The following UIMC1 variants were observed in gnomAD, a reference collection of about 807,000 sequenced individuals.
UIMC1 encodes the protein ubiquitin interaction motif containing 1.
UIMC1 carries 42 observed loss-of-function variants against 84.9 expected under a neutral mutation model. The observed-to-expected ratio is 0.49, with a 90% CI of 0.39 to 0.64. UIMC1 has a LOEUF of 0.64. Among genes scored for constraint, UIMC1 ranks in the 30% least tolerant of loss-of-function variants. The pLI is 0.00. For synonymous variants in UIMC1, 281 were observed against 293.0 expected, an observed-to-expected ratio of 0.96 and a Z score of 0.42; for missense variants, 825 against 847.6, an observed-to-expected ratio of 0.97 and a Z score of 0.33.
At chr5:176,938,616 C>T (rs974328955) in intron 10 of UIMC1, among the ~76,000 whole-genome samples, 8 of 152,114 alleles carry the variant, frequency 5.3e-5, no homozygotes, top group East Asian at 1.9e-4. Context: ...AAGATTAAGA[C>T]GAAGCTATTG....
intron 12 of UIMC1, 88 bp downstream of exon 12, chr5:176,908,435 A>G (rs1289707664): frequency 1.5e-6 from 2 of 1,315,224 alleles, no homozygotes; most frequent in Non-Finnish European, 2.0e-6. Flanking sequence ...GGGAGGGAGA[A>G]GAGGGAAAAG....
At chr5:176,907,740 C>A (rs1006419828) in intron 12 of UIMC1, among the ~76,000 whole-genome samples, 3 of 152,206 alleles carry the variant, frequency 2.0e-5, no homozygotes, top group Non-Finnish European at 4.4e-5. Context: ...AGGAGTTCGA[C>A]AGAGTTGATC....
intron 10 of UIMC1, among the ~76,000 whole-genome samples, chr5:176,927,934 C>T (rs1310814093): frequency 6.6e-6 from 1 of 151,330 alleles, no homozygotes; most frequent in Admixed American, 6.6e-5. Flanking sequence ...TCACTGCAAC[C>T]TCTGACTCCT....
intron 2 of UIMC1, among the ~76,000 whole-genome samples, chr5:176,979,517 C>T (rs931181868): frequency 7.9e-5 from 12 of 151,778 alleles, no homozygotes; most frequent in African/African-American, 2.7e-4. Context: ...GCAGGAGAAT[C>T]GCTTGAACCT....
chr5:176,953,467 T>A (rs1207673275), intron 8 of UIMC1, among the ~76,000 whole-genome samples: 1 of 143,136 alleles, frequency 7.0e-6, no homozygotes, highest in Non-Finnish European at 1.5e-5. Flanking sequence ...TTTTAATACA[T>A]CACAAATTTT....
In UIMC1 at chr5:176,998,008, A is replaced by G. The variant is rs186450699; in HGVS notation, c.-9+8642T>C. Among the ~76,000 whole-genome samples, 410 of 152,148 alleles carry G rather than the reference A, an allele frequency of 2.7e-3. 2 individuals are homozygous for G. The highest frequency in any genetic ancestry group is 9.6e-3 in the African/African-American group (400 of 41,498). On this transcript the variant is annotated intron_variant, in intron 1 of 14. Coordinates refer to ENST00000511320, the MANE Select transcript of UIMC1 (RefSeq NM_001199298.2). ...GATTGGTCAAATACCTCTACTATAC[A>G]TTTTCAAAGTACCATGCACCTGTCA...
At chr5:176,917,942 A>G (rs1031398994) in intron 10 of UIMC1, among the ~76,000 whole-genome samples, 22 of 152,194 alleles carry the variant, frequency 1.4e-4, no homozygotes, top group Non-Finnish European at 3.1e-4. Context: ...CTGGGCAACA[A>G]CAGCAAAACT....
chr5:176,950,149 G>A (rs1333557107), intron 9 of UIMC1, among the ~76,000 whole-genome samples: 2 of 141,378 alleles, frequency 1.4e-5, no homozygotes, highest in Non-Finnish European at 3.0e-5. Flanking sequence ...TGCCAGGCTG[G>A]AGTGCAGTGG....
intron 1 of UIMC1, among the ~76,000 whole-genome samples, chr5:177,000,498 CTTTT>C (rs966855813): frequency 2.7e-4 from 31 of 113,336 alleles, no homozygotes; most frequent in Admixed American, 8.9e-4. Context: ...ACTTGCATGT[CTTTT>C]TTTTTTTTTT....
At chr5:176,965,404 A>G (rs1418344753) in intron 6 of UIMC1, among the ~76,000 whole-genome samples, 2 of 150,268 alleles carry the variant, frequency 1.3e-5, no homozygotes, top group Non-Finnish European at 3.0e-5. Flanking sequence ...CCTGCGCAAC[A>G]CAGAGAGACT....
At chr5:176,919,681 T>C (rs985181692) in intron 10 of UIMC1, among the ~76,000 whole-genome samples, 3 of 152,212 alleles carry the variant, frequency 2.0e-5, no homozygotes, top group African/African-American at 7.2e-5. Flanking sequence ...TATAAACAAG[T>C]GGTCCAACTT....
rs113873440 is a variant in UIMC1 at position 177,014,862 on chromosome 5, T to A, written c.-9+7602A>T. On this transcript the variant is annotated intron_variant, in intron 1 of 5. Coordinates refer to the UIMC1 transcript ENST00000509236. ...AGTGGGTGGAAAAGGAAGTAGAATA[T>A]ACTGGGTCTCTTATACCACGTGACA... is the stretch of plus-strand genomic sequence containing the variant. Among the ~76,000 whole-genome samples the A allele has an allele frequency of 2.8e-4, 42 of 152,282 alleles. 1 individual carries two copies. The highest frequency in any genetic ancestry group is 9.4e-4 in the African/African-American group (39 of 41,552).
chr5:176,924,811 CG>C (rs1169393240), intron 10 of UIMC1, among the ~76,000 whole-genome samples: 4 of 151,974 alleles, frequency 2.6e-5, no homozygotes, highest in African/African-American at 9.7e-5. Context: ...GAGGCTGAGG[CG>C]GGTGGATCAC....
intron 11 of UIMC1, among the ~76,000 whole-genome samples, chr5:176,909,356 G>A (rs922512721): frequency 1.3e-5 from 2 of 152,000 alleles, no homozygotes; most frequent in Non-Finnish European, 1.5e-5. Context: ...GAATCACTGG[G>A]GGTAAAAGAA....
At chr5:176,926,259 A>G (rs2149414791) in intron 10 of UIMC1, among the ~76,000 whole-genome samples, 1 of 152,204 alleles carries the variant, frequency 6.6e-6, no homozygotes, top group African/African-American at 2.4e-5. Flanking sequence ...TGTGGATTGT[A>G]TACTAGATAA....
Position 176,969,639 on chromosome 5 carries a change from G to T in UIMC1, c.425C>A (p.Ser142Tyr), listed in dbSNP as rs144249420. The T allele has an allele frequency of 9.4e-5, 152 of 1,614,024 alleles. No homozygotes were observed. The highest frequency in any genetic ancestry group is 1.2e-4 in the Non-Finnish European group (147 of 1,180,040). Residue 142 changes from serine to tyrosine, a missense_variant, in exon 5 of 15, where the codon TCC becomes TAC. Ser to Tyr is a moderately radical substitution (Grantham distance 144). Transcript: ENST00000511320. ...RPLATGPSSQ[S>Y]HQEKTTDSGL... ...AGAGTCTGTGGTTTTCTCTTGATGG[G>T]ACTGGGAAGACGGTCCAGTGGCCAG...
At chr5:176,949,349 T>G (rs1399723110) in intron 9 of UIMC1, among the ~76,000 whole-genome samples, 2 of 152,198 alleles carry the variant, frequency 1.3e-5, no homozygotes, top group African/African-American at 4.8e-5. Context: ...AGCACAGACG[T>G]GTACACCATA....
chr5:176,925,244 A>T (rs924112240), intron 10 of UIMC1, among the ~76,000 whole-genome samples: 1 of 152,218 alleles, frequency 6.6e-6, no homozygotes, highest in Non-Finnish European at 1.5e-5. Context: ...TCATGTGAAA[A>T]AAAGTGCTCA....
chr5:177,011,522 G>T (rs903399520), upstream of UIMC1, among the ~76,000 whole-genome samples: 2 of 152,042 alleles, frequency 1.3e-5, no homozygotes, highest in Non-Finnish European at 1.5e-5. Flanking sequence ...GTTCCAGGCT[G>T]CAGTGAGCTA....
Sources: allele counts gnomAD v4.1 joint callset (sites outside exome capture counted in the v4.1 genomes callset), GRCh38; gene constraint gnomAD v4.1.1; transcripts MANE v1.5; gene names NCBI Gene and HGNC (gene_info 2026-07-23, HGNC 2026-07-21).